Variants in ZFYVE9 observed in about 807,000 individuals in gnomAD.
ZFYVE9 encodes zinc finger FYVE domain-containing protein 9.
ZFYVE9 carries 43 observed loss-of-function variants against 126.7 expected under a neutral mutation model. The observed-to-expected ratio is 0.34, with a 90% CI of 0.27 to 0.44. The LOEUF (loss-of-function observed/expected upper bound fraction) is 0.44, where lower values mean the gene tolerates loss of function less well. Among genes scored for constraint, ZFYVE9 ranks in the 20% least tolerant of loss-of-function variants. The pLI is 1.00. For synonymous variants in ZFYVE9, 521 were observed against 597.4 expected (o/e 0.87, Z 1.87); for missense variants, 1,476 against 1,697.0 (o/e 0.87, Z 2.29).
At chr1:52,172,529 T>A (rs1441522622) in intron 1 of ZFYVE9, among the ~76,000 whole-genome samples, 29 of 152,196 alleles carry the variant, frequency 1.9e-4, no homozygotes, top group Non-Finnish European at 5.9e-5. Context: ...TTTTTCCAAT[T>A]CTGTGAAGAA....
chr1:52,233,041 G>A (rs545992377), intron 2 of ZFYVE9, 130 bp from the exon 3 acceptor site: 329 of 319,038 alleles, frequency 1.0e-3, no homozygotes, highest in Middle Eastern at 2.9e-3. Context: ...AATATATCCA[G>A]TGGGATGCCA....
chr1:52,303,227 C>G (rs1326556446), intron 12 of ZFYVE9, among the ~76,000 whole-genome samples: 1 of 152,230 alleles, frequency 6.6e-6, no homozygotes, highest in African/African-American at 2.4e-5. Flanking sequence ...ACCACCTATT[C>G]ATTACCAAGG....
At chr1:52,192,367 C>T (rs1040250852) in intron 1 of ZFYVE9, among the ~76,000 whole-genome samples, 8 of 152,128 alleles carry the variant, frequency 5.3e-5, no homozygotes, top group African/African-American at 1.7e-4. Context: ...CTTGTTCATC[C>T]GGAGTCTATT....
intron 3 of ZFYVE9, among the ~76,000 whole-genome samples, chr1:52,233,723 T>C (rs1645245745): frequency 6.6e-6 from 1 of 152,254 alleles, no homozygotes; most frequent in Non-Finnish European, 1.5e-5. Context: ...CACAACTGCC[T>C]AAGTGGTTAA....
intron 1 of ZFYVE9, among the ~76,000 whole-genome samples, chr1:52,170,786 A>G (rs1644560313): frequency 6.6e-6 from 1 of 151,974 alleles, no homozygotes; most frequent in African/African-American, 2.4e-5. Context: ...CTCATTATTG[A>G]TTTGTAATTT....
intron 1 of ZFYVE9, among the ~76,000 whole-genome samples, chr1:52,213,644 G>A (rs1645047047): frequency 6.6e-6 from 1 of 151,488 alleles, no homozygotes; most frequent in African/African-American, 2.4e-5. Flanking sequence ...GAGCAAGACT[G>A]TGTCTCAAAA....
intron 7 of ZFYVE9, 149 bp from the exon 8 acceptor site, chr1:52,274,315 T>TA: frequency 1.0e-6 from 1 of 966,648 alleles, no homozygotes; most frequent in South Asian, 2.2e-5. Context: ...TTGTTTTTTT[T>TA]AATCCATGGG....
intron 4 of ZFYVE9, among the ~76,000 whole-genome samples, chr1:52,247,113 A>C (rs183691315): frequency 7.9e-5 from 12 of 152,216 alleles, no homozygotes; most frequent in African/African-American, 2.4e-4. Context: ...TATATGTGTG[A>C]GCCACTGCTC....
intron 1 of ZFYVE9, among the ~76,000 whole-genome samples, chr1:52,177,491 C>T (rs1326299120): frequency 6.6e-6 from 1 of 152,118 alleles, no homozygotes; most frequent in East Asian, 1.9e-4. Flanking sequence ...GAGATCTGTC[C>T]AGTACATGAC....
chr1:52,259,210 A>G (rs951690321), intron 4 of ZFYVE9, among the ~76,000 whole-genome samples: 2 of 152,038 alleles, frequency 1.3e-5, no homozygotes, highest in African/African-American at 4.8e-5. Flanking sequence ...ACCTGTGTCC[A>G]TATTTGCCTC....
intron 6 of ZFYVE9, among the ~76,000 whole-genome samples, chr1:52,267,217 C>T (rs192922645): frequency 3.3e-5 from 5 of 152,224 alleles, no homozygotes; most frequent in East Asian, 1.9e-4. Context: ...TTCTTCTTTC[C>T]GACCAGCCCA....
intron 10 of ZFYVE9, among the ~76,000 whole-genome samples, chr1:52,292,091 C>T (rs1645926144): frequency 6.6e-6 from 1 of 151,738 alleles, no homozygotes; most frequent in Admixed American, 6.6e-5. Flanking sequence ...CCAGTCTGGC[C>T]AACATGGTGA....
intron 15 of ZFYVE9, 102 bp from the exon 16 acceptor site, chr1:52,337,670 T>G: frequency 7.4e-7 from 1 of 1,359,532 alleles, no homozygotes; most frequent in Non-Finnish European, 1.0e-6. Context: ...TCAGTCAGCT[T>G]TGGAAAGCAG....
intron 3 of ZFYVE9, among the ~76,000 whole-genome samples, chr1:52,234,504 T>C (rs1407472172): frequency 6.6e-6 from 1 of 152,196 alleles, no homozygotes; most frequent in Admixed American, 6.5e-5. Flanking sequence ...TTTACAAACC[T>C]TTGCTATATT....
chr1:52,163,961 AC>A (rs1245082692), intron 1 of ZFYVE9, among the ~76,000 whole-genome samples: 1 of 151,932 alleles, frequency 6.6e-6, no homozygotes, highest in Non-Finnish European at 1.5e-5. Context: ...CCAAATTTCT[AC>A]CTTTTTTTTA....
intron 13 of ZFYVE9, among the ~76,000 whole-genome samples, chr1:52,312,929 G>A (rs933390036): frequency 6.6e-6 from 1 of 152,152 alleles, no homozygotes; most frequent in African/African-American, 2.4e-5. Context: ...AGGTAATCAA[G>A]TTTAAATGAA....
intron 13 of ZFYVE9, among the ~76,000 whole-genome samples, chr1:52,306,221 A>G (rs1453035763): frequency 1.3e-5 from 2 of 152,098 alleles, no homozygotes; most frequent in African/African-American, 4.8e-5. Flanking sequence ...TGAGGCCTGT[A>G]AAAGCCCTGG....
chr1:52,177,792 TG>T (rs1644651724), intron 1 of ZFYVE9, among the ~76,000 whole-genome samples: 1 of 152,152 alleles, frequency 6.6e-6, no homozygotes, highest in African/African-American at 2.4e-5. Flanking sequence ...TAGCAGTATG[TG>T]GAACAACATA....
intron 13 of ZFYVE9, among the ~76,000 whole-genome samples, chr1:52,326,256 G>A (rs562782696): frequency 6.6e-6 from 1 of 152,278 alleles, no homozygotes; most frequent in Non-Finnish European, 1.5e-5. Flanking sequence ...AGAGGTATAG[G>A]AGCTACCTGG....
Sources: allele counts gnomAD v4.1 joint callset (sites outside exome capture counted in the v4.1 genomes callset), GRCh38; gene constraint gnomAD v4.1.1; transcripts MANE v1.5; gene names NCBI Gene and HGNC (gene_info 2026-07-23, HGNC 2026-07-21).